The following CDC73 variants were observed in gnomAD, a reference collection of about 807,000 sequenced individuals.
CDC73 encodes cell division cycle 73.
CDC73 carries 21 observed loss-of-function variants against 83.7 expected under a neutral mutation model. The observed-to-expected ratio is 0.25, with a 90% CI of 0.18 to 0.36. CDC73 has a LOEUF of 0.36. Ranked by LOEUF, CDC73 falls within the 10% of genes least tolerant of loss-of-function variation. The pLI, the probability that CDC73 is intolerant of heterozygous loss-of-function variation, is 1.00. For synonymous variants in CDC73, 224 were observed against 212.9 expected (o/e 1.05, Z -0.45); for missense variants, 342 against 653.3 (o/e 0.52, Z 5.19).
chr1:193,179,880 AGT>A (rs914722843), intron 10 of CDC73: 5 of 152,922 alleles, frequency 3.3e-5, no homozygotes, highest in African/African-American at 9.6e-5. Flanking sequence ...TAAAATTGAT[AGT>A]GATGTTTTAT....
At chr1:193,233,626 T>G (rs1677699584) in intron 14 of CDC73, among the ~76,000 whole-genome samples, 2 of 152,208 alleles carry the variant, frequency 1.3e-5, no homozygotes, top group Non-Finnish European at 2.9e-5. Context: ...TCTTTCCACT[T>G]GTTCATTTGT....
At chr1:193,207,476 A>G (rs1160549498) in intron 11 of CDC73, among the ~76,000 whole-genome samples, 1 of 152,170 alleles carries the variant, frequency 6.6e-6, no homozygotes, top group East Asian at 1.9e-4. Flanking sequence ...TTCAGTCCTT[A>G]TCTCAACCAC....
chr1:193,207,741 A>G (rs1334339622), intron 11 of CDC73, among the ~76,000 whole-genome samples: 1 of 152,104 alleles, frequency 6.6e-6, no homozygotes, highest in Non-Finnish European at 1.5e-5. Flanking sequence ...CACTGATTTC[A>G]TATTGTTCAA....
intron 11 of CDC73, among the ~76,000 whole-genome samples, chr1:193,205,676 A>T (rs1677176953): frequency 6.6e-6 from 1 of 152,176 alleles, no homozygotes; most frequent in African/African-American, 2.4e-5. Flanking sequence ...TTCAGTAGGG[A>T]TGATCATACC....
At chr1:193,166,615 G>A (rs1028402139) in intron 10 of CDC73, among the ~76,000 whole-genome samples, 3 of 151,526 alleles carry the variant, frequency 2.0e-5, no homozygotes, top group African/African-American at 7.3e-5. Flanking sequence ...AGGTGCTTAT[G>A]TAACAAGAGA....
chr1:193,197,455 A>G (rs1359597961), intron 10 of CDC73, among the ~76,000 whole-genome samples: 1 of 152,222 alleles, frequency 6.6e-6, no homozygotes, highest in Non-Finnish European at 1.5e-5. Context: ...AGAAACACAT[A>G]TGCATATTGC....
intron 6 of CDC73, 65 bp downstream of exon 6, chr1:193,138,238 A>G (rs1213458969): frequency 3.8e-6 from 4 of 1,048,964 alleles, no homozygotes; most frequent in Non-Finnish European, 6.0e-6. Flanking sequence ...AGGAAAAGGA[A>G]TATTAAAATG....
chr1:193,225,064 C>G (rs1397871450), intron 13 of CDC73, among the ~76,000 whole-genome samples: 4 of 151,848 alleles, frequency 2.6e-5, no homozygotes, highest in South Asian at 2.1e-4. Context: ...TCCCCAAAGT[C>G]AATTTCGTCA....
At chr1:193,216,790 C>A (rs1282491588) in intron 13 of CDC73, among the ~76,000 whole-genome samples, 1 of 152,184 alleles carries the variant, frequency 6.6e-6, no homozygotes, top group African/African-American at 2.4e-5. Flanking sequence ...GTTCGTTCAA[C>A]AAATGCAAAT....
intron 3 of CDC73, among the ~76,000 whole-genome samples, chr1:193,131,429 A>T (rs1314821536): frequency 2.0e-5 from 3 of 152,134 alleles, no homozygotes; most frequent in Non-Finnish European, 2.9e-5. Flanking sequence ...TTTTTAGATT[A>T]TTGTATAGCT....
intron 13 of CDC73, among the ~76,000 whole-genome samples, chr1:193,217,553 A>G (rs1393672909): frequency 6.6e-6 from 1 of 151,910 alleles, no homozygotes; most frequent in East Asian, 1.9e-4. Flanking sequence ...TTGACCACCA[A>G]GAGCTTGCTT....
intron 13 of CDC73, among the ~76,000 whole-genome samples, chr1:193,231,520 A>G (rs1035974805): frequency 6.6e-5 from 10 of 152,204 alleles, no homozygotes; most frequent in African/African-American, 2.4e-4. Flanking sequence ...AATTTTCTAA[A>G]TAATGTGTTT....
rs1678088746 is a variant in CDC73 at position 193,253,863 on chromosome 1, T to G, written c.*3151T>G. The G allele has an allele frequency of 4.4e-6, 1 of 226,730 alleles. No individual in the cohort carries two copies. Among genetic ancestry groups the G allele is most frequent in the Admixed American group, 5.7e-5 (1 of 17,588 alleles). The allele number at this position is 226,730 out of a possible 1,614,324, so 14.0% of individuals were successfully genotyped here. A position where few individuals can be genotyped will look rare whatever the true frequency, so the allele number is the denominator to read the frequency against. On this transcript the variant is annotated 3_prime_UTR_variant, in exon 17 of 17. Transcript: ENST00000367435. ...TTATCTAATAAATATTGAGGGAATA[T>G]TTTTCCTAAATAAAAATTTTTCTGA...
chr1:193,213,534 T>C (rs937663754), intron 13 of CDC73, among the ~76,000 whole-genome samples: 10 of 152,200 alleles, frequency 6.6e-5, no homozygotes, highest in Non-Finnish European at 1.0e-4. Context: ...TAATACATAC[T>C]CTTTCAGAGG....
rs143131672 is a variant in CDC73 at position 193,254,519 on chromosome 1, TTTG to T, written c.*3811_*3813del. On this transcript the variant is annotated 3_prime_UTR_variant, in exon 17 of 17. Transcript: ENST00000367435. Reference sequence around the variant, plus strand: ...GCCATGTCCTATATATTCTGGCATATTTGTTGGCACATTTGCAAGTATGTTGAT... The same window carrying T: ...GCCATGTCCTATATATTCTGGCATATTTGGCACATTTGCAAGTATGTTGAT... 0.012 allele frequency among the ~76,000 whole-genome samples: 1,839 copies of T among 152,284 alleles called. 17 individuals are homozygous for T. Among genetic ancestry groups the T allele is most frequent in the South Asian group, 0.034 (164 of 4,826 alleles).
rs539324030 is a variant in CDC73 at position 193,135,865 on chromosome 1, G to GTTC, written c.423+279_423+281dup. 0.044 allele frequency among the ~76,000 whole-genome samples: 6,130 copies of GTTC among 140,278 alleles called. 125 individuals are homozygous for GTTC. The highest frequency in any genetic ancestry group is 0.054 in the Middle Eastern group (14 of 258). 92.0% of individuals were successfully genotyped at this position (140,278 alleles called of 152,430 possible). ...AGGGTCAGAATTCTTTTTCCTTTCT[G>GTTC]TTCTTTTTTTTTTTTTTTTTTGAGG... is the stretch of plus-strand genomic sequence containing the variant. On this transcript the variant is annotated intron_variant, in intron 5 of 16. Transcript: ENST00000367435.
chr1:193,144,801 G>C (rs965975604), intron 7 of CDC73, among the ~76,000 whole-genome samples: 2 of 147,090 alleles, frequency 1.4e-5, no homozygotes, highest in East Asian at 2.0e-4. Flanking sequence ...ATTCAGACTT[G>C]GTTATTTGGC....
chr1:193,131,587 A>G (rs1052294324), intron 3 of CDC73, among the ~76,000 whole-genome samples: 3 of 152,218 alleles, frequency 2.0e-5, no homozygotes, highest in Admixed American at 2.0e-4. Flanking sequence ...TTACCCTGGC[A>G]GTCATCTTGC....
chr1:193,223,034 G>A (rs1384451148), intron 13 of CDC73, among the ~76,000 whole-genome samples: 1 of 151,614 alleles, frequency 6.6e-6, no homozygotes, highest in South Asian at 2.1e-4. Flanking sequence ...AGTTTTTATG[G>A]TTCTGTTTAG....
Sources: allele counts gnomAD v4.1 joint callset (sites outside exome capture counted in the v4.1 genomes callset), GRCh38; gene constraint gnomAD v4.1.1; transcripts MANE v1.5; gene names NCBI Gene and HGNC (gene_info 2026-07-23, HGNC 2026-07-21).